Variants in GAB2 observed in about 807,000 individuals in gnomAD.
GAB2 encodes GRB2-associated-binding protein 2.
A neutral mutation model predicts 65.5 loss-of-function variants in GAB2; 26 were observed. The ratio of observed to expected loss-of-function variants is 0.40; its 90% CI spans 0.29 to 0.55. The LOEUF (loss-of-function observed/expected upper bound fraction) is 0.55. GAB2 is among the 20% of genes least tolerant of loss of function. The pLI, the probability that GAB2 is intolerant of heterozygous loss-of-function variation, is 0.53. For missense variants in GAB2, 884 were observed against 875.8 expected (o/e 1.01, Z -0.12); for synonymous variants, 321 against 329.6 (o/e 0.97, Z 0.28).
chr11:78,327,437 T>C (rs554769799), intron 1 of GAB2, among the ~76,000 whole-genome samples: 10 of 152,248 alleles, frequency 6.6e-5, no homozygotes, highest in African/African-American at 2.2e-4. Context: ...GGATGAACAA[T>C]ATTCCCAGAA....
chr11:78,221,852 C>T (rs1864443118), intron 7 of GAB2, 73 bp from the exon 8 acceptor site: 1 of 1,048,346 alleles, frequency 9.5e-7, no homozygotes, highest in Middle Eastern at 2.4e-4. Context: ...TCCAGCTGGG[C>T]CCTGACCCTC....
Position 78,377,220 on chromosome 11 carries a change from C to T in GAB2, c.75+40426G>A, listed in dbSNP as rs144335705. Among the ~76,000 whole-genome samples the T allele has an allele frequency of 9.1e-4, 139 of 152,326 alleles. 1 individual carries two copies. The highest frequency in any genetic ancestry group is 3.2e-3 in the African/African-American group (135 of 41,578). ...CTGCAAGAACAGCCTAATACACAGACATTTCTCACAGTTCTGGAGGCTGGG... is the reference window on the plus strand; with the variant it reads ...CTGCAAGAACAGCCTAATACACAGATATTTCTCACAGTTCTGGAGGCTGGG... On this transcript the variant is annotated intron_variant, in intron 1 of 9. Transcript: ENST00000361507.
intron 1 of GAB2, among the ~76,000 whole-genome samples, chr11:78,282,036 T>C (rs1866349559): frequency 6.6e-6 from 1 of 152,224 alleles, no homozygotes; most frequent in Non-Finnish European, 1.5e-5. Flanking sequence ...AACCTCAGGA[T>C]TATATTTCCT....
At chr11:78,326,887 G>A (rs4945267) in intron 1 of GAB2, among the ~76,000 whole-genome samples, 24,028 of 152,142 alleles carry the variant, frequency 0.16, 2,527 homozygotes, top group East Asian at 0.41. Flanking sequence ...ACCTTGTTGA[G>A]GATTTACTGG....
intron 1 of GAB2, among the ~76,000 whole-genome samples, chr11:78,327,882 T>TATC (rs1855851132): frequency 6.6e-6 from 1 of 152,204 alleles, no homozygotes; most frequent in Admixed American, 6.5e-5. Context: ...CTAGATTGAA[T>TATC]TGAAGAAGTG....
intron 1 of GAB2, among the ~76,000 whole-genome samples, chr11:78,356,314 G>C (rs1481796212): frequency 6.6e-6 from 1 of 152,192 alleles, no homozygotes; most frequent in Non-Finnish European, 1.5e-5. Flanking sequence ...GGGCACTTGA[G>C]GGTGAGAGGT....
chr11:78,265,203 C>CATATATAGATATAT (rs1865843422), intron 2 of GAB2, among the ~76,000 whole-genome samples: 1 of 144,842 alleles, frequency 6.9e-6, no homozygotes, highest in East Asian at 2.0e-4. Context: ...TTCTATACCA[C>CATATATAGATATAT]ATATATATAT....
chr11:78,288,592 T>C (rs919104470), intron 1 of GAB2, among the ~76,000 whole-genome samples: 1 of 152,026 alleles, frequency 6.6e-6, no homozygotes, highest in South Asian at 2.1e-4. Flanking sequence ...TTATAATTGT[T>C]CTTAAAAATT....
intron 1 of GAB2, among the ~76,000 whole-genome samples, chr11:78,348,171 A>G (rs1032668002): frequency 6.6e-6 from 1 of 152,112 alleles, no homozygotes; most frequent in African/African-American, 2.4e-5. Context: ...GAAGCAGAAG[A>G]GGTAGAAGGG....
chr11:78,367,826 T>G (rs796554960), intron 1 of GAB2, among the ~76,000 whole-genome samples: 3 of 142,972 alleles, frequency 2.1e-5, no homozygotes, highest in African/African-American at 8.2e-5. Context: ...TTTTTCTTTT[T>G]TTTTTTTTTT....
rs7104066 is a variant in GAB2, at chr11:78,410,413, A to G, written c.75+7233T>C. On this transcript the variant is annotated intron_variant, in intron 1 of 9. Coordinates refer to ENST00000361507, the MANE Select transcript of GAB2 (RefSeq NM_080491.3). ...CAGCTGCTCGGGAGGCTGAGGCAGG[A>G]GAACTGCTGGAACCTGGGAGGTGGA... Among the ~76,000 whole-genome samples the G allele has an allele frequency of 5.7e-3, 874 of 152,368 alleles. 10 individuals carry two copies. The highest frequency in any genetic ancestry group is 0.02 in the African/African-American group (823 of 41,578).
intron 1 of GAB2, chr11:78,392,063 C>T (rs1037257074): frequency 1.3e-5 from 2 of 151,890 alleles, no homozygotes; most frequent in African/African-American, 2.4e-5. Context: ...ATGGTGAAAC[C>T]CTGTCTCTAC....
chr11:78,321,159 G>T (rs1052531313), intron 1 of GAB2, among the ~76,000 whole-genome samples: 2 of 152,102 alleles, frequency 1.3e-5, no homozygotes, highest in Non-Finnish European at 2.9e-5. Flanking sequence ...ATATAGGAAA[G>T]GTAACTGAAG....
chr11:78,403,565 T>C (rs1441343525), intron 1 of GAB2, among the ~76,000 whole-genome samples: 1 of 152,182 alleles, frequency 6.6e-6, no homozygotes, highest in East Asian at 1.9e-4. Context: ...CCCCTATCTT[T>C]CTCAATATTT....
At chr11:78,282,573 T>A (rs1866365627) in intron 1 of GAB2, among the ~76,000 whole-genome samples, 1 of 152,116 alleles carries the variant, frequency 6.6e-6, no homozygotes, top group Admixed American at 6.6e-5. Context: ...CCTCCCAAAG[T>A]GCTGGGATTA....
At chr11:78,256,665 A>C (rs781502024) in intron 2 of GAB2, among the ~76,000 whole-genome samples, 1 of 152,244 alleles carries the variant, frequency 6.6e-6, no homozygotes, top group Non-Finnish European at 1.5e-5. Flanking sequence ...ATTGGAGGAT[A>C]ATCTCTAGCC....
intron 1 of GAB2, among the ~76,000 whole-genome samples, chr11:78,306,358 G>C (rs1855359138): frequency 1.3e-5 from 2 of 152,100 alleles, no homozygotes; most frequent in South Asian, 4.1e-4. Context: ...AGCCTCCCAA[G>C]TAGCTGGGAC....
chr11:78,275,929 C>G (rs1443575862), intron 2 of GAB2, among the ~76,000 whole-genome samples: 1 of 151,914 alleles, frequency 6.6e-6, no homozygotes, highest in African/African-American at 2.4e-5. Flanking sequence ...GCCTGGACAA[C>G]AGGGTGAAAC....
chr11:78,281,194 G>C (rs28532828), intron 1 of GAB2, among the ~76,000 whole-genome samples: 5 of 151,240 alleles, frequency 3.3e-5, no homozygotes, highest in Non-Finnish European at 5.9e-5. Flanking sequence ...TCCCAACTCA[G>C]CCTCCTAAAG....
Sources: allele counts gnomAD v4.1 joint callset (sites outside exome capture counted in the v4.1 genomes callset), GRCh38; gene constraint gnomAD v4.1.1; transcripts MANE v1.5; gene names NCBI Gene and HGNC (gene_info 2026-07-23, HGNC 2026-07-21).